The following ZKSCAN5 variants were observed in gnomAD, a reference collection of about 807,000 sequenced individuals.
ZKSCAN5 encodes zinc finger with KRAB and SCAN domains 5, also known as zinc finger protein with KRAB and SCAN domains 5.
Under a neutral mutation model 60.0 loss-of-function variants are expected in ZKSCAN5, and 28 were observed. The ratio of observed to expected loss-of-function variants is 0.47; its 90% confidence interval spans 0.35 to 0.64. The LOEUF (loss-of-function observed/expected upper bound fraction) is 0.64, where lower values mean the gene tolerates loss of function less well. Among genes scored for constraint, ZKSCAN5 ranks in the 30% least tolerant of loss-of-function variants. ZKSCAN5 has a pLI of 0.01. For missense variants in ZKSCAN5, 881 were observed against 1,034.6 expected (o/e 0.85, Z 2.04); for synonymous variants, 361 against 371.2 (o/e 0.97, Z 0.31).
At position 99,516,432 on chromosome 7, in the gene ZKSCAN5, G is replaced by A. The variant is rs112821943; in HGVS notation, c.554-3395G>A. On this transcript the variant is annotated intron_variant, in intron 3 of 6. Coordinates refer to ENST00000326775, the MANE Select transcript of ZKSCAN5 (RefSeq NM_145102.4). ...CCTTCTCTGCTTTTGGCTTTCATCT[G>A]TAACCATTGTCCCGTCCTTTTTGTG... 3.9e-3 allele frequency among the ~76,000 whole-genome samples: 586 copies of A among 152,158 alleles called. 4 individuals are homozygous for A. The highest frequency in any genetic ancestry group is 0.013 in the African/African-American group (520 of 41,536).
At chr7:99,517,446 C>T (rs561335251) in intron 3 of ZKSCAN5, among the ~76,000 whole-genome samples, 7 of 151,984 alleles carry the variant, frequency 4.6e-5, no homozygotes, top group Admixed American at 6.5e-5. Flanking sequence ...TTTAGGAGGC[C>T]GAACCAGGTG....
intron 3 of ZKSCAN5, among the ~76,000 whole-genome samples, chr7:99,516,703 C>T (rs781556576): frequency 4.0e-4 from 61 of 152,060 alleles, no homozygotes; most frequent in African/African-American, 1.9e-4. Flanking sequence ...GTGAGATGTC[C>T]GGGTGTTGCG....
rs1175919662 is a variant in ZKSCAN5 at position 99,506,213 on chromosome 7, C to G, written c.169C>G (p.Gln57Glu). The G allele has an allele frequency of 6.2e-7, 1 of 1,614,090 alleles. No individual in the cohort carries two copies. Among genetic ancestry groups the G allele is most frequent in the African/African-American group, 1.3e-5 (1 of 74,922 alleles). Residue 57 changes from glutamine (Q) to glutamate (E), a missense_variant, in exon 2 of 7, where the codon CAG (glutamine) becomes GAG (glutamate). Around this residue, in one of 5 missense-constraint regions of ZKSCAN5, gnomAD observed 53 missense variants for 88.7 expected, o/e 0.60. Transcript: ENST00000326775. ...TTTTTACCAGCGCTTCAGGCACTTC[C>G]AGTACCATGAGGCTTCAGGACCCCG... is the stretch of plus-strand genomic sequence containing the variant. ...ETFYQRFRHF[Q>E]YHEASGPREA...
In ZKSCAN5 at chr7:99,506,181, T is replaced by C. The variant is rs769444251; in HGVS notation, c.137T>C (p.Phe46Ser). 5.9e-5 allele frequency: 96 copies of C among 1,613,974 alleles called. No homozygotes were observed. The highest frequency in any genetic ancestry group is 1.0e-4 in the Admixed American group (6 of 59,986). Reference sequence around the variant, plus strand: ...ATGCAGGAGTACAACCCGCCAACGTTTGAGACTTTTTACCAGCGCTTCAGG... The same window carrying C: ...ATGCAGGAGTACAACCCGCCAACGTCTGAGACTTTTTACCAGCGCTTCAGG... ...TWMQEYNPPT[F>S]ETFYQRFRHF... Residue 46 changes from phenylalanine to serine, a missense_variant, in exon 2 of 7, where the codon TTT (phenylalanine) becomes TCT (serine). Physicochemically the swap from Phe to Ser is radical, Grantham distance 155. Coordinates refer to ENST00000326775, the MANE Select transcript of ZKSCAN5 (RefSeq NM_145102.4).
intron 6 of ZKSCAN5, among the ~76,000 whole-genome samples, chr7:99,527,716 C>T (rs1801855311): frequency 1.3e-5 from 2 of 151,894 alleles, no homozygotes; most frequent in Admixed American, 1.3e-4. Flanking sequence ...CGGAGTTTCA[C>T]TCTTGTTGCC....
chr7:99,531,036 G>A (rs558237608), intron 6 of ZKSCAN5, 72 bp from the exon 7 acceptor site: 131 of 1,374,750 alleles, frequency 9.5e-5, no homozygotes, highest in Middle Eastern at 2.5e-4. Context: ...TAGCCTGGGC[G>A]ACAGAGCAAG....
At chr7:99,518,096 G>A (rs1251435698) in intron 3 of ZKSCAN5, among the ~76,000 whole-genome samples, 1 of 152,158 alleles carries the variant, frequency 6.6e-6, no homozygotes, top group African/African-American at 2.4e-5. Flanking sequence ...AGTGGTCCAG[G>A]AAGCCGTGGC....
rs760053570 is a variant in ZKSCAN5, at chr7:99,525,871, A to G, written c.831A>G (p.Glu277=). The G allele has an allele frequency of 1.2e-6, 2 of 1,614,024 alleles. No homozygotes were observed. The highest frequency in any genetic ancestry group is 1.1e-5 in the South Asian group (1 of 91,072). Residue 277 remains glutamate, a synonymous_variant, in exon 6 of 7, where the codon GAA becomes GAG. Coordinates refer to ENST00000326775, the MANE Select transcript of ZKSCAN5 (RefSeq NM_145102.4). ...TGAAGCAGATTTCTGATGACTCTGA[A>G]TCACACTGGGTGGCGCCAGAACACA... ...LIVKQISDDS[E]SHWVAPEHTE...
Position 99,507,511 on chromosome 7 carries a change from G to GTATATATATGTATATA in ZKSCAN5, c.414+1054_414+1055insATATATATGTATATAT, listed in dbSNP as rs1231084896. The stretch of plus-strand genomic sequence containing the variant: ...TATATGTATATATGTGTATATATAT[G>GTATATATATGTATATA]TGTGTATATATGTATATGTGTATAT... On this transcript the variant is annotated intron_variant, in intron 2 of 6. Transcript: ENST00000326775. Among the ~76,000 whole-genome samples the GTATATATATGTATATA allele has an allele frequency of 2.2e-5, 3 of 137,644 alleles. No homozygotes were observed. In the East Asian group the frequency reaches 6.4e-4, roughly 29 times the overall value. 90.3% of individuals were successfully genotyped at this position (137,644 alleles called of 152,430 possible).
chr7:99,518,408 G>A (rs972910726), intron 3 of ZKSCAN5, among the ~76,000 whole-genome samples: 2 of 151,416 alleles, frequency 1.3e-5, no homozygotes, highest in Non-Finnish European at 2.9e-5. Context: ...GCCACAGAGC[G>A]AGACTCTGTC....
intron 3 of ZKSCAN5, among the ~76,000 whole-genome samples, chr7:99,512,860 G>T (rs1383419286): frequency 6.6e-6 from 1 of 151,338 alleles, no homozygotes; most frequent in Admixed American, 6.6e-5. Flanking sequence ...AAGTTGTAGG[G>T]TACATGTGCA....
intron 4 of ZKSCAN5, 89 bp from the exon 5 acceptor site, chr7:99,520,080 C>G: frequency 6.4e-7 from 1 of 1,551,498 alleles, no homozygotes; most frequent in Non-Finnish European, 8.8e-7. Flanking sequence ...GTTCCTCCCC[C>G]TGTTTCTTTT....
At position 99,531,601 on chromosome 7, in the gene ZKSCAN5, G is replaced by C; in HGVS notation, c.1872G>C (p.Gln624His). 6.2e-7 allele frequency: 1 copy of C among 1,614,202 alleles called. No homozygotes were observed. Among genetic ancestry groups the C allele is most frequent in the Non-Finnish European group, 8.5e-7 (1 of 1,180,030 alleles). The change falls in exon 7 of 7, where the codon CAG becomes CAC. Residue 624 changes from glutamine (Q) to histidine (H), a missense_variant. By Grantham distance (24) the Gln-to-His change is conservative. Around this residue, in one of 5 missense-constraint regions of ZKSCAN5, gnomAD observed 112 missense variants for 182.4 expected, o/e 0.61. Coordinates refer to ENST00000326775, the MANE Select transcript of ZKSCAN5 (RefSeq NM_145102.4). ...FRVRSHLVQH[Q>H]SVHSGERPFK... is the part of the protein sequence containing the mutation. ...TGAGGTCCCACCTTGTTCAGCATCA[G>C]AGCGTGCACAGTGGGGAGAGACCCT... is the stretch of plus-strand genomic sequence containing the variant.
chr7:99,506,499 G>A (rs766919758), intron 2 of ZKSCAN5, 41 bp downstream of exon 2: 2 of 1,538,486 alleles, frequency 1.3e-6, no homozygotes, highest in Non-Finnish European at 1.8e-6. Flanking sequence ...AAGGAGAGGA[G>A]TGAACCATCT....
chr7:99,519,368 C>T (rs1036149775), intron 3 of ZKSCAN5, among the ~76,000 whole-genome samples: 3 of 151,254 alleles, frequency 2.0e-5, no homozygotes, highest in Non-Finnish European at 4.4e-5. Context: ...ACTTCTGCAT[C>T]CTAGGTTCAA....
At chr7:99,530,267 T>G (rs1801985162) in intron 6 of ZKSCAN5, among the ~76,000 whole-genome samples, 1 of 151,826 alleles carries the variant, frequency 6.6e-6, no homozygotes, top group Non-Finnish European at 1.5e-5. Flanking sequence ...ACTCCTGACC[T>G]CAGGTGATCT....
intron 2 of ZKSCAN5, among the ~76,000 whole-genome samples, chr7:99,510,215 T>G (rs1235621317): frequency 6.6e-6 from 1 of 151,654 alleles, no homozygotes; most frequent in Non-Finnish European, 1.5e-5. Flanking sequence ...GTTACAGGTG[T>G]GAGCCACTGT....
chr7:99,520,404 G>T, intron 5 of ZKSCAN5, 100 bp downstream of exon 5: 1 of 1,387,924 alleles, frequency 7.2e-7, no homozygotes, highest in South Asian at 1.6e-5. Context: ...TGTTTTATGT[G>T]CTATGACTTT....
intron 2 of ZKSCAN5, among the ~76,000 whole-genome samples, chr7:99,508,815 C>CTTTT (rs1411652129): frequency 2.8e-4 from 36 of 126,684 alleles, no homozygotes; most frequent in Non-Finnish European, 4.2e-4. Context: ...TTCTTTCTTT[C>CTTTT]TTTTTTTTTT....
Sources: allele counts gnomAD v4.1 joint callset (sites outside exome capture counted in the v4.1 genomes callset), GRCh38; gene constraint gnomAD v4.1.1; regional missense constraint gnomAD v4.1.1; transcripts MANE v1.5; gene names NCBI Gene and HGNC (gene_info 2026-07-23, HGNC 2026-07-21).